SNX9: variants seen among roughly 807,000 people sequenced by gnomAD.
The protein encoded by SNX9 is sorting nexin 9.
In SNX9, 44 loss-of-function variants were observed where a neutral mutation model predicts 89.4. The ratio of observed to expected loss-of-function variants is 0.49; its 90% CI spans 0.39 to 0.63. The LOEUF is 0.63. Among genes scored for constraint, SNX9 ranks in the 30% least tolerant of loss-of-function variants. The pLI, the probability that SNX9 is intolerant of heterozygous loss-of-function variation, is 0.00. For synonymous variants in SNX9, 236 were observed against 247.8 expected (o/e 0.95, Z 0.45); for missense variants, 578 against 736.1 (o/e 0.79, Z 2.49).
At chr6:157,836,891 G>A (rs756263572) in intron 1 of SNX9, among the ~76,000 whole-genome samples, 1 of 152,054 alleles carries the variant, frequency 6.6e-6, no homozygotes, top group African/African-American at 2.4e-5. Flanking sequence ...GCGCCCGGCC[G>A]AGAACACACA....
chr6:157,862,660 C>T (rs1782164303), intron 1 of SNX9, among the ~76,000 whole-genome samples: 1 of 152,116 alleles, frequency 6.6e-6, no homozygotes. Context: ...CCCATATGAA[C>T]TTTTTTTATT....
intron 10 of SNX9, among the ~76,000 whole-genome samples, chr6:157,924,830 G>A (rs868852896): frequency 1.3e-5 from 2 of 152,270 alleles, no homozygotes; most frequent in Admixed American, 6.5e-5. Context: ...TGAACCTGGG[G>A]GGTTTATTAT....
intron 9 of SNX9, among the ~76,000 whole-genome samples, chr6:157,915,640 A>AAAAAAT (rs1472422303): frequency 7.4e-5 from 7 of 95,168 alleles, no homozygotes; most frequent in African/African-American, 1.9e-4. Flanking sequence ...AAAAAAAAAA[A>AAAAAAT]ATATATATAT....
chr6:157,851,117 G>A (rs77162126), intron 1 of SNX9, among the ~76,000 whole-genome samples: 66 of 152,002 alleles, frequency 4.3e-4, no homozygotes, highest in African/African-American at 1.4e-3. Flanking sequence ...AATTAGTGGG[G>A]CATGGTGGCA....
chr6:157,862,741 G>A (rs1053728713), intron 1 of SNX9, among the ~76,000 whole-genome samples: 1 of 151,914 alleles, frequency 6.6e-6, no homozygotes, highest in African/African-American at 2.4e-5. Context: ...TGCATTTTAG[G>A]ATCTAGTTTT....
chr6:157,912,214 T>A (rs1258154431), intron 9 of SNX9, among the ~76,000 whole-genome samples: 1 of 152,234 alleles, frequency 6.6e-6, no homozygotes, highest in African/African-American at 2.4e-5. Context: ...TCTATTTCCT[T>A]GAATTTTGTG....
At chr6:157,941,622 C>G (rs538783193) in intron 17 of SNX9, among the ~76,000 whole-genome samples, 2 of 152,312 alleles carry the variant, frequency 1.3e-5, no homozygotes, top group South Asian at 4.1e-4. Context: ...CGCTGGCGGC[C>G]TTGCTGCCTA....
chr6:157,893,956 A>G (rs1209569426), intron 4 of SNX9, among the ~76,000 whole-genome samples: 5 of 152,156 alleles, frequency 3.3e-5, no homozygotes, highest in African/African-American at 1.2e-4. Flanking sequence ...GAGTCCAGCT[A>G]TAGACCCAAA....
intron 13 of SNX9, among the ~76,000 whole-genome samples, chr6:157,934,542 G>A (rs140354004): frequency 3.9e-5 from 6 of 152,178 alleles, no homozygotes; most frequent in African/African-American, 4.8e-5. Context: ...CCCCAGGAGC[G>A]GGTGCCTCAA....
chr6:157,833,311 A>G (rs1781511026), intron 1 of SNX9, among the ~76,000 whole-genome samples: 2 of 152,142 alleles, frequency 1.3e-5, no homozygotes, highest in Admixed American at 1.3e-4. Context: ...TTAATTAAAA[A>G]CTTACTGTCT....
At chr6:157,881,615 A>T (rs1782624975) in intron 4 of SNX9, among the ~76,000 whole-genome samples, 1 of 152,220 alleles carries the variant, frequency 6.6e-6, no homozygotes, top group Admixed American at 6.5e-5. Flanking sequence ...AGGAAATTAA[A>T]AGTAGTAGTC....
chr6:157,893,023 G>T (rs760989250), intron 4 of SNX9, among the ~76,000 whole-genome samples: 15 of 152,158 alleles, frequency 9.9e-5, no homozygotes, highest in Non-Finnish European at 4.4e-5. Flanking sequence ...ACCAATGATA[G>T]TCTGTCCCTA....
At chr6:157,910,829 G>A (rs1783324585) in intron 9 of SNX9, among the ~76,000 whole-genome samples, 1 of 152,196 alleles carries the variant, frequency 6.6e-6, no homozygotes. Flanking sequence ...CTCAGCATGT[G>A]TGTGTTAAAA....
chr6:157,888,724 T>C (rs1401444971), intron 4 of SNX9, among the ~76,000 whole-genome samples: 1 of 152,208 alleles, frequency 6.6e-6, no homozygotes, highest in African/African-American at 2.4e-5. Flanking sequence ...GTCATCTTTT[T>C]TTCCCAAGTG....
intron 1 of SNX9, among the ~76,000 whole-genome samples, chr6:157,833,306 TA>T (rs1781510817): frequency 6.6e-6 from 1 of 152,192 alleles, no homozygotes; most frequent in African/African-American, 2.4e-5. Flanking sequence ...TTTTTTTAAT[TA>T]AAAACTTACT....
chr6:157,871,773 C>CTT (rs750179923), intron 2 of SNX9, among the ~76,000 whole-genome samples: 67 of 122,194 alleles, frequency 5.5e-4, no homozygotes, highest in Middle Eastern at 4.2e-3. Context: ...TCAGTCTTAC[C>CTT]TTTTTTTTTT....
At chr6:157,825,083 A>G (rs1781316448) in intron 1 of SNX9, among the ~76,000 whole-genome samples, 1 of 152,114 alleles carries the variant, frequency 6.6e-6, no homozygotes, top group Non-Finnish European at 1.5e-5. Flanking sequence ...CCCTGTCTCT[A>G]CTAAAAATAC....
chr6:157,876,017 G>T (rs1562601907), intron 4 of SNX9, among the ~76,000 whole-genome samples: 1 of 151,628 alleles, frequency 6.6e-6, no homozygotes, highest in Non-Finnish European at 1.5e-5. Context: ...TTAAAATATT[G>T]TTAACTGCTT....
Position 157,942,758 on chromosome 6 carries a change from T to G in SNX9, c.1741-33T>G, listed in dbSNP as rs188307083. On this transcript the variant is annotated intron_variant, in intron 17 of 17. Coordinates refer to ENST00000392185, the MANE Select transcript of SNX9 (RefSeq NM_016224.5). ...CTGTGAGGTCGTAATGGGAGTGATATCTCAACGTTGTTTTGTTTTGCTTTC... is the reference window on the plus strand; with the variant it reads ...CTGTGAGGTCGTAATGGGAGTGATAGCTCAACGTTGTTTTGTTTTGCTTTC... 4 of 1,611,830 alleles carry G rather than the reference T, an allele frequency of 2.5e-6. No individual in the cohort carries two copies. The African/African-American group carries it at 4.0e-5, about 16-fold the overall frequency.
Sources: gnomAD v4.1 joint callset for allele counts (sites outside exome capture counted in the v4.1 genomes callset) on GRCh38, gnomAD v4.1.1 for gene constraint, MANE v1.5 for transcripts, NCBI Gene and HGNC (gene_info 2026-07-23, HGNC 2026-07-21) for gene names.